Variants in GREB1L observed in about 807,000 individuals in gnomAD.
GREB1L encodes the protein GREB1-like protein.
Under a neutral mutation model 200.8 loss-of-function variants are expected in GREB1L, and 17 were observed. The observed-to-expected ratio is 0.08, with a 90% CI of 0.06 to 0.13. The LOEUF is 0.13. Among genes scored for constraint, GREB1L ranks in the 10% least tolerant of loss-of-function variants. The pLI, the probability that GREB1L is intolerant of heterozygous loss-of-function variation, is 1.00. For synonymous variants in GREB1L, 789 were observed against 893.0 expected (o/e 0.88, Z 2.08); for missense variants, 1,657 against 2,367.7 (o/e 0.70, Z 6.23).
chr18:21,515,134 C>G (rs1215668906), intron 28 of GREB1L, among the ~76,000 whole-genome samples: 1 of 152,170 alleles, frequency 6.6e-6, no homozygotes, highest in Non-Finnish European at 1.5e-5. Flanking sequence ...CCTCCGGCTA[C>G]CTCTTCTTTG....
rs779965341 is a variant in GREB1L, at chr18:21,503,611, C to CT, written c.4073-1800dup. ...ATTATTTTTGAGATGGAGTCTTGCT[C>CT]TGTCACCCAGGCTGGAGTGCAGTGG... On this transcript the variant is annotated intron_variant, in intron 23 of 32. Coordinates refer to ENST00000424526, the MANE Select transcript of GREB1L (RefSeq NM_001142966.3). 2.5e-4 allele frequency among the ~76,000 whole-genome samples: 38 copies of CT among 150,220 alleles called. No individual in the cohort carries two copies. The East Asian group carries it at 6.3e-3, about 25-fold the overall frequency.
At chr18:21,268,771 AT>A (rs995841872) in intron 1 of GREB1L, among the ~76,000 whole-genome samples, 29 of 150,230 alleles carry the variant, frequency 1.9e-4, no homozygotes, top group Non-Finnish European at 1.0e-4. Context: ...TAATTTTTGT[AT>A]TTTTTTGTAG....
chr18:21,311,153 G>A (rs1401299123), intron 1 of GREB1L, among the ~76,000 whole-genome samples: 2 of 152,314 alleles, frequency 1.3e-5, no homozygotes, highest in East Asian at 3.9e-4. Context: ...GGACTAAGCC[G>A]AAGTTACACT....
rs766567616 is a variant in GREB1L at position 21,255,382 on chromosome 18, T to C, written c.-120+12989T>C. Among the ~76,000 whole-genome samples, 3 of 152,344 alleles carry C rather than the reference T, an allele frequency of 2.0e-5. No individual in the cohort carries two copies. The East Asian group carries it at 5.8e-4, about 29-fold the overall frequency. On this transcript the variant is annotated intron_variant, in intron 1 of 32. Coordinates refer to ENST00000424526, the MANE Select transcript of GREB1L (RefSeq NM_001142966.3). ...TTCAGTAGCCCTGTGACTAAGCGGCTACTGTATTGGATAATGAAGGAACGG... is the reference window on the plus strand; with the variant it reads ...TTCAGTAGCCCTGTGACTAAGCGGCCACTGTATTGGATAATGAAGGAACGG...
Position 21,440,306 on chromosome 18 carries a change from C to A in GREB1L, c.987C>A (p.His329Gln). 1 of 1,551,646 alleles carries A rather than the reference C, an allele frequency of 6.4e-7. No individual in the cohort carries two copies. Among genetic ancestry groups the A allele is most frequent in the Non-Finnish European group, 8.7e-7 (1 of 1,146,924 alleles). ...TTTCTGGGCCACCAAAGAAACGACA[C>A]CGGGGATGGTATCCTGGGTCACCTC... is the stretch of plus-strand genomic sequence containing the variant. Reference protein sequence around the residue: ...MFISGPPKKRHRGWYPGSPLP... With the variant: ...MFISGPPKKRQRGWYPGSPLP... Residue 329 changes from histidine to glutamine, a missense_variant, in exon 9 of 33, where the codon CAC (histidine) becomes CAA (glutamine). Physicochemically the swap from His to Gln is conservative, Grantham distance 24. Around this residue, in one of 9 missense-constraint regions of GREB1L, gnomAD observed 289 missense variants for 345.1 expected, o/e 0.84. Coordinates refer to ENST00000424526, the MANE Select transcript of GREB1L (RefSeq NM_001142966.3).
At chr18:21,449,896 A>G (rs1041136293) in intron 12 of GREB1L, 60 bp downstream of exon 12, 10 of 1,306,186 alleles carry the variant, frequency 7.7e-6, no homozygotes, top group Non-Finnish European at 8.3e-6. Flanking sequence ...TTTTCCATTT[A>G]AAAATGTGTG....
intron 1 of GREB1L, among the ~76,000 whole-genome samples, chr18:21,296,963 T>A (rs565837391): frequency 6.6e-6 from 1 of 152,288 alleles, no homozygotes; most frequent in Admixed American, 6.5e-5. Context: ...TTAATTGATC[T>A]AAGGTATAGC....
chr18:21,248,236 A>G (rs1270563305), intron 1 of GREB1L, among the ~76,000 whole-genome samples: 4 of 152,152 alleles, frequency 2.6e-5, no homozygotes, highest in African/African-American at 9.7e-5. Flanking sequence ...GTGGACAAGA[A>G]AGTCTGAGGG....
intron 5 of GREB1L, among the ~76,000 whole-genome samples, chr18:21,399,706 T>C (rs1213918265): frequency 1.3e-5 from 2 of 152,232 alleles, no homozygotes; most frequent in African/African-American, 2.4e-5. Flanking sequence ...TAATAAGTTG[T>C]TAATTCTATG....
In GREB1L at chr18:21,524,096, CTT is replaced by C. The variant is rs1480139158; in HGVS notation, c.*1276_*1277del. On this transcript the variant is annotated 3_prime_UTR_variant, in exon 33 of 33. Transcript: ENST00000424526. ...TCCAGTTCTCATCATTGAACAATCT[CTT>C]GAGAGTTTTCTCATTAGCCCATATT... 2 of 152,200 alleles carry C rather than the reference CTT, an allele frequency of 1.3e-5. No homozygotes were observed. The highest frequency in any genetic ancestry group is 2.9e-5 in the Non-Finnish European group (2 of 68,030). 9.4% of individuals were successfully genotyped at this position (152,200 alleles called of 1,614,324 possible).
intron 15 of GREB1L, among the ~76,000 whole-genome samples, chr18:21,468,137 CA>C (rs1186239979): frequency 1.3e-5 from 2 of 151,872 alleles, no homozygotes; most frequent in East Asian, 3.9e-4. Context: ...CAGAAAAACC[CA>C]AATATCCACC....
intron 1 of GREB1L, among the ~76,000 whole-genome samples, chr18:21,258,871 A>G (rs1274231658): frequency 6.6e-6 from 1 of 152,188 alleles, no homozygotes; most frequent in Admixed American, 6.5e-5. Context: ...AGTTAATAAA[A>G]AATAGTCTAA....
intron 31 of GREB1L, 118 bp from the exon 32 acceptor site, chr18:21,520,570 C>A: frequency 1.7e-6 from 2 of 1,145,884 alleles, no homozygotes; most frequent in Non-Finnish European, 1.2e-6. Context: ...GGAAAAAACT[C>A]ATCTCCTTTA....
intron 11 of GREB1L, among the ~76,000 whole-genome samples, chr18:21,448,159 CAAA>C (rs34682720): frequency 7.6e-6 from 1 of 131,798 alleles, no homozygotes; most frequent in African/African-American, 2.9e-5. Context: ...GAAACTGTCT[CAAA>C]AAAAAAAAAA....
In GREB1L at chr18:21,510,786, C is replaced by G. The variant is rs919616280; in HGVS notation, c.4735+2195C>G. 2.0e-5 allele frequency among the ~76,000 whole-genome samples: 3 copies of G among 152,126 alleles called. No individual in the cohort carries two copies. In the East Asian group the frequency reaches 5.8e-4, roughly 29 times the overall value. On this transcript the variant is annotated intron_variant, in intron 27 of 32. Transcript: ENST00000424526. ...ATACTGTTTTCCATAGTGGCTTGCA[C>G]CATTTTACCTTCCCACCAACAGTGC...
Position 21,500,617 on chromosome 18 carries a change from G to C in GREB1L, c.4047G>C (p.Val1349=), listed in dbSNP as rs1378951674. 7 of 1,548,416 alleles carry C rather than the reference G, an allele frequency of 4.5e-6. No homozygotes were observed. The highest frequency in any genetic ancestry group is 6.1e-6 in the Non-Finnish European group (7 of 1,145,722). ...TCATCAGGCTCCTGGAGGTGGACGT[G>C]TATGATGAGGAGGAGATCAACACCG... ...RMLIRLLEVD[V]YDEEEINTDH... is the part of the protein sequence containing the mutation. Residue 1349 remains valine, a synonymous_variant, in exon 23 of 33, where the codon GTG becomes GTC. Transcript: ENST00000424526.
intron 2 of GREB1L, among the ~76,000 whole-genome samples, chr18:21,374,448 G>A (rs1228075790): frequency 6.6e-6 from 1 of 152,190 alleles, no homozygotes; most frequent in Non-Finnish European, 1.5e-5. Flanking sequence ...ACTACAATCA[G>A]AGTATAGGAA....
chr18:21,309,269 C>G (rs1306188790), intron 1 of GREB1L, among the ~76,000 whole-genome samples: 2 of 152,190 alleles, frequency 1.3e-5, no homozygotes, highest in Non-Finnish European at 2.9e-5. Flanking sequence ...GTAGACTTTT[C>G]CCTACATGGC....
At chr18:21,258,350 C>T (rs533272969) in intron 1 of GREB1L, among the ~76,000 whole-genome samples, 4 of 152,134 alleles carry the variant, frequency 2.6e-5, no homozygotes, top group African/African-American at 9.7e-5. Context: ...TGCTTTGTCC[C>T]TTTTGCTCAC....
Sources: gnomAD v4.1 joint callset for allele counts (sites outside exome capture counted in the v4.1 genomes callset) on GRCh38, gnomAD v4.1.1 for gene constraint, gnomAD v4.1.1 regional missense constraint, MANE v1.5 for transcripts, NCBI Gene and HGNC (gene_info 2026-07-23, HGNC 2026-07-21) for gene names.